SEPTIN9: variants seen among roughly 807,000 people sequenced by gnomAD.
SEPTIN9 encodes the protein septin-9.
SEPTIN9 carries 13 observed loss-of-function variants against 56.6 expected under a neutral mutation model. That is an observed-to-expected ratio of 0.23 (90% CI 0.15 to 0.37). SEPTIN9 has a LOEUF of 0.37. SEPTIN9 is among the 10% of genes least tolerant of loss of function. The pLI is 1.00. For synonymous variants in SEPTIN9, 332 were observed against 334.1 expected, an observed-to-expected ratio of 0.99 and a Z score of 0.07; for missense variants, 650 against 823.1, an observed-to-expected ratio of 0.79 and a Z score of 2.57.
chr17:77,290,407 G>A (rs541296549), intron 1 of SEPTIN9, among the ~76,000 whole-genome samples: 5 of 151,766 alleles, frequency 3.3e-5, no homozygotes, highest in East Asian at 3.9e-4. Flanking sequence ...ACAGGCACCC[G>A]CCCCCACGCC....
rs1320860047 is a variant in SEPTIN9 at position 77,479,136 on chromosome 17, T to C, written c.722-3008T>C. The stretch of plus-strand genomic sequence containing the variant: ...ACTTAACACCACTGGACTGCACACT[T>C]CAAAATAGTGACCGTGGCAAACGTT... On this transcript the variant is annotated intron_variant, in intron 3 of 11. Transcript: ENST00000427177. Among the ~76,000 whole-genome samples, 3 of 152,236 alleles carry C rather than the reference T, an allele frequency of 2.0e-5. No individual in the cohort carries two copies. The South Asian group carries it at 6.2e-4, about 32-fold the overall frequency.
In SEPTIN9 at chr17:77,401,333, G is replaced by A. The variant is rs192400217; in HGVS notation, c.77-726G>A. On this transcript the variant is annotated intron_variant, in intron 2 of 11. Transcript: ENST00000427177. ...TGCGGTTCTGATTGGTTACAGTTGC[G>A]GTCACTTATTATTGGAGGCATGTCC... Among the ~76,000 whole-genome samples the A allele has an allele frequency of 2.1e-3, 326 of 152,266 alleles. 9 individuals are homozygous for A. The South Asian group carries it at 0.05, about 24-fold the overall frequency.
At chr17:77,361,881 C>T (rs1598254308) in intron 2 of SEPTIN9, among the ~76,000 whole-genome samples, 1 of 152,224 alleles carries the variant, frequency 6.6e-6, no homozygotes, top group South Asian at 2.1e-4. Context: ...ATCCGCCCGC[C>T]TCGGCCTCCC....
chr17:77,484,827 TGGC>T (rs1568111818), intron 4 of SEPTIN9, among the ~76,000 whole-genome samples: 1 of 94,452 alleles, frequency 1.1e-5, no homozygotes, highest in Non-Finnish European at 2.0e-5. Context: ...GTGATGGTGG[TGGC>T]GATGGTGGTT....
intron 2 of SEPTIN9, among the ~76,000 whole-genome samples, chr17:77,352,519 G>C (rs557817573): frequency 6.6e-6 from 1 of 152,194 alleles, no homozygotes; most frequent in African/African-American, 2.4e-5. Context: ...TGGGGGTTCC[G>C]AGGGAGACTG....
intron 3 of SEPTIN9, among the ~76,000 whole-genome samples, chr17:77,439,748 G>A (rs551034398): frequency 5.9e-5 from 9 of 152,144 alleles, no homozygotes; most frequent in Non-Finnish European, 1.0e-4. Context: ...CCCTCCTTTC[G>A]GGCATCCTGA....
intron 3 of SEPTIN9, among the ~76,000 whole-genome samples, chr17:77,477,384 T>C (rs2039261022): frequency 6.6e-6 from 1 of 152,238 alleles, no homozygotes; most frequent in Non-Finnish European, 1.5e-5. Context: ...AACATATGAC[T>C]AGAACCCTAA....
intron 3 of SEPTIN9, among the ~76,000 whole-genome samples, chr17:77,431,994 C>G (rs1324490222): frequency 6.6e-6 from 1 of 152,010 alleles, no homozygotes; most frequent in African/African-American, 2.4e-5. Flanking sequence ...GCTGGCGGGA[C>G]TTAGAAACAG....
At chr17:77,328,371 G>A (rs1390751254) in intron 2 of SEPTIN9, among the ~76,000 whole-genome samples, 1 of 152,144 alleles carries the variant, frequency 6.6e-6, no homozygotes, top group African/African-American at 2.4e-5. Flanking sequence ...CAAATGTTTT[G>A]TTGTTGTTGT....
At chr17:77,452,276 C>T (rs888189505) in intron 3 of SEPTIN9, among the ~76,000 whole-genome samples, 1 of 150,518 alleles carries the variant, frequency 6.6e-6, no homozygotes, top group African/African-American at 2.5e-5. Flanking sequence ...TCTTTTCATG[C>T]TGGGAGAACC....
chr17:77,298,785 A>G (rs1249559078), intron 1 of SEPTIN9, among the ~76,000 whole-genome samples: 2 of 152,210 alleles, frequency 1.3e-5, no homozygotes, highest in East Asian at 1.9e-4. Context: ...ATGCAATCCA[A>G]TACACAGGCT....
intron 3 of SEPTIN9, among the ~76,000 whole-genome samples, chr17:77,407,362 A>G (rs543787572): frequency 6.6e-6 from 1 of 151,276 alleles, no homozygotes; most frequent in South Asian, 2.1e-4. Flanking sequence ...CCATGAAATT[A>G]TGCTGAAGGA....
chr17:77,402,084 G>A lies in SEPTIN9; in HGVS notation c.102G>A (p.Glu34=). 6.2e-7 allele frequency: 1 copy of A among 1,613,470 alleles called. No homozygotes were observed. The highest frequency in any genetic ancestry group is 1.3e-5 in the African/African-American group (1 of 75,018). The change falls in exon 3 of 12, where the codon GAG becomes GAA. Residue 34 remains glutamate (E), a synonymous_variant. Coordinates refer to ENST00000427177, the MANE Select transcript of SEPTIN9 (RefSeq NM_001113491.2). The surrounding 1 kb of genome is among the most constrained non-coding windows in gnomAD (Gnocchi z 6.6). ...GPALKRSFEV[E]EVETPNSTPP... The stretch of plus-strand genomic sequence containing the variant: ...CCTTGAAAAGATCTTTTGAGGTCGA[G>A]GAGGTCGAGACACCCAACTCCACCC...
rs369066852 is a variant in SEPTIN9, at chr17:77,396,426, C to T, written c.77-5633C>T. Reference sequence around the variant, plus strand: ...CTGCAAAATGACAAGCTCACGAACACTCTCGCTTCTGTGGGTGAATGTGGA... The same window carrying T: ...CTGCAAAATGACAAGCTCACGAACATTCTCGCTTCTGTGGGTGAATGTGGA... On this transcript the variant is annotated intron_variant, in intron 2 of 11. Transcript: ENST00000427177. 2.0e-5 allele frequency among the ~76,000 whole-genome samples: 3 copies of T among 152,202 alleles called. No individual in the cohort carries two copies. In the East Asian group the frequency reaches 5.8e-4, roughly 29 times the overall value.
At chr17:77,482,621 C>T in intron 4 of SEPTIN9, 1 of 638,062 alleles carries the variant, frequency 1.6e-6, no homozygotes, top group South Asian at 1.7e-5. Flanking sequence ...GTGGTCGCTG[C>T]CTCTGAGCAA....
In SEPTIN9 at chr17:77,400,862, C is replaced by T. The variant is rs1267964568; in HGVS notation, c.77-1197C>T. On this transcript the variant is annotated intron_variant, in intron 2 of 11. Coordinates refer to ENST00000427177, the MANE Select transcript of SEPTIN9 (RefSeq NM_001113491.2). This position sits in a 1 kb window ranked among gnomAD's most constrained non-coding sequence, Gnocchi z 4.1. ...CTGATAACCAGGAGCGGCTGGCTCT[C>T]ATTTGGAGTGCGGTTGTGGGGACTG... 1 of 152,518 alleles carries T rather than the reference C, an allele frequency of 6.6e-6. No homozygotes were observed. The highest frequency in any genetic ancestry group is 2.4e-5 in the African/African-American group (1 of 41,416). The allele number at this position is 152,518 out of a possible 1,614,324, so 9.4% of individuals were successfully genotyped here.
At chr17:77,444,274 C>T (rs2037654165) in intron 3 of SEPTIN9, among the ~76,000 whole-genome samples, 1 of 152,080 alleles carries the variant, frequency 6.6e-6, no homozygotes, top group Admixed American at 6.5e-5. Context: ...AGTGATAAAG[C>T]GGGAGGGGTC....
chr17:77,492,945 A>T lies in SEPTIN9; in HGVS notation c.1477-35A>T. On this transcript the variant is annotated intron_variant, in intron 9 of 11. Transcript: ENST00000427177. This position sits in a 1 kb window ranked among gnomAD's most constrained non-coding sequence, Gnocchi z 5.4. Reference sequence around the variant, plus strand: ...CCAGGGGAGGGAATTGCCTTCCCGCACATGTGTAACCAATACCGTCTGCCC... The same window carrying T: ...CCAGGGGAGGGAATTGCCTTCCCGCTCATGTGTAACCAATACCGTCTGCCC... 1 of 1,541,364 alleles carries T rather than the reference A, an allele frequency of 6.5e-7. No individual in the cohort carries two copies.
At chr17:77,454,026 T>C (rs1418549462) in intron 3 of SEPTIN9, 7 of 949,806 alleles carry the variant, frequency 7.4e-6, no homozygotes, top group Non-Finnish European at 8.8e-6. Context: ...CCCGGATGTT[T>C]AGGGCTTCCG....
Sources: allele counts gnomAD v4.1 joint callset (sites outside exome capture counted in the v4.1 genomes callset), GRCh38; gene constraint gnomAD v4.1.1; non-coding constraint Gnocchi (gnomAD v3.1); transcripts MANE v1.5; gene names NCBI Gene and HGNC (gene_info 2026-07-23, HGNC 2026-07-21).